STK33: variants seen among roughly 807,000 people sequenced by gnomAD.
The protein encoded by STK33 is serine/threonine kinase 33, also known as serine/threonine-protein kinase 33.
In STK33, 52 loss-of-function variants were observed where a neutral mutation model predicts 58.0. That is an observed-to-expected ratio of 0.90 (90% CI 0.72 to 1.13). The LOEUF (loss-of-function observed/expected upper bound fraction) is 1.13, where lower values mean the gene tolerates loss of function less well. Among genes scored for constraint, STK33 ranks in the 50% most tolerant of loss-of-function variants. The pLI, the probability that STK33 is intolerant of heterozygous loss-of-function variation, is 0.00. For missense variants in STK33, 630 were observed against 604.2 expected, an observed-to-expected ratio of 1.04 and a Z score of -0.45; for synonymous variants, 215 against 200.1, an observed-to-expected ratio of 1.07 and a Z score of -0.63.
chr11:8,355,030 G>C, the STK33 span, among the ~76,000 whole-genome samples: 1 of 152,276 alleles, frequency 6.6e-6, no homozygotes, highest in East Asian at 1.9e-4. Flanking sequence ...CTTCCGGGAG[G>C]AGGGGAACGA....
the STK33 span, among the ~76,000 whole-genome samples, chr11:8,386,775 G>T: frequency 6.6e-6 from 1 of 152,208 alleles, no homozygotes; most frequent in Non-Finnish European, 1.5e-5. Flanking sequence ...AATGCAGGAT[G>T]GGGAGGTGGA....
intron 1 of STK33, among the ~76,000 whole-genome samples, chr11:8,531,753 G>A (rs1053343771): frequency 6.6e-6 from 1 of 152,208 alleles, no homozygotes; most frequent in African/African-American, 2.4e-5. Flanking sequence ...TCCAGTGGTT[G>A]AAGCAGTCAT....
At chr11:8,452,206 A>T (rs1946368019) in intron 11 of STK33, among the ~76,000 whole-genome samples, 1 of 152,172 alleles carries the variant, frequency 6.6e-6, no homozygotes, top group Admixed American at 6.5e-5. Flanking sequence ...CCGTTTCGAA[A>T]AAAAAAGCAA....
intron 14 of STK33, among the ~76,000 whole-genome samples, chr11:8,430,659 A>G (rs974273233): frequency 6.6e-6 from 1 of 152,128 alleles, no homozygotes. Flanking sequence ...TTGTTGATCT[A>G]TCATTCTCTA....
At chr11:8,404,182 T>A (rs1043153866) in intron 15 of STK33, among the ~76,000 whole-genome samples, 3 of 152,186 alleles carry the variant, frequency 2.0e-5, no homozygotes, top group African/African-American at 7.2e-5. Context: ...TATATAGACT[T>A]CTAAGGTTAC....
At chr11:8,411,325 A>T (rs541461463) in intron 15 of STK33, among the ~76,000 whole-genome samples, 1 of 152,352 alleles carries the variant, frequency 6.6e-6, no homozygotes, top group Non-Finnish European at 1.5e-5. Context: ...ACAAATCTGA[A>T]ACAAGTGTGT....
At chr11:8,495,991 T>C (rs1219269973) in intron 1 of STK33, among the ~76,000 whole-genome samples, 2 of 152,022 alleles carry the variant, frequency 1.3e-5, no homozygotes, top group East Asian at 3.9e-4. Context: ...GAGAAATACC[T>C]AATGTAAATG....
At chr11:8,396,932 C>A (rs1849455626) in intron 15 of STK33, among the ~76,000 whole-genome samples, 1 of 152,232 alleles carries the variant, frequency 6.6e-6, no homozygotes, top group Non-Finnish European at 1.5e-5. Flanking sequence ...CCCGCCATTG[C>A]CGAGGCTTGA....
At chr11:8,565,253 T>C (rs1005472953) in intron 1 of STK33, among the ~76,000 whole-genome samples, 27 of 152,210 alleles carry the variant, frequency 1.8e-4, no homozygotes, top group Non-Finnish European at 7.3e-5. Flanking sequence ...CCATGATTTA[T>C]AGTCAAAGGT....
chr11:8,566,241 C>T (rs1199248688), intron 1 of STK33, among the ~76,000 whole-genome samples: 2 of 152,180 alleles, frequency 1.3e-5, no homozygotes, highest in African/African-American at 4.8e-5. Context: ...TAAATAGACC[C>T]TCAGTTTCTG....
Position 8,413,554 on chromosome 11 carries a change from G to C in STK33, c.1285C>G (p.Gln429Glu), listed in dbSNP as rs1221448970. ...PSTEEKLKSYQPWGNVPDANY... is the reference protein window; with the variant it reads ...PSTEEKLKSYEPWGNVPDANY... ...GCATCAGGGACATTTCCCCAGGGTT[G>C]GTAACTTTTCAACTTTTCTTCAGTG... is the stretch of plus-strand genomic sequence containing the variant. The change falls in exon 15 of 16, where the codon CAA becomes GAA. Residue 429 changes from glutamine to glutamate, a missense_variant. Physicochemically the swap from Gln to Glu is conservative, Grantham distance 29. Transcript: ENST00000687296. The C allele has an allele frequency of 1.2e-6, 2 of 1,613,832 alleles. No individual in the cohort carries two copies. The highest frequency in any genetic ancestry group is 1.7e-6 in the Non-Finnish European group (2 of 1,179,936).
chr11:8,483,389 G>T (rs2028881), intron 1 of STK33, among the ~76,000 whole-genome samples: 33,537 of 152,056 alleles, frequency 0.22, 3,932 homozygotes, highest in Middle Eastern at 0.31. Flanking sequence ...TTTCAGAAAA[G>T]ATTCGGGTTA....
chr11:8,489,713 C>T (rs1361612068), intron 1 of STK33, among the ~76,000 whole-genome samples: 1 of 152,126 alleles, frequency 6.6e-6, no homozygotes, highest in Non-Finnish European at 1.5e-5. Flanking sequence ...ATTAACTTTC[C>T]AGCACATAAA....
Position 8,584,701 on chromosome 11 carries a change from G to C in STK33, c.-466+9382C>G, listed in dbSNP as rs370404707. On this transcript the variant is annotated intron_variant, in intron 1 of 15. Transcript: ENST00000687296. Reference sequence around the variant, plus strand: ...CTACTAGGTCTCAGCCATCCAATAGGAAAGGTCTTTTCTGTTACCAAGTGC... The same window carrying C: ...CTACTAGGTCTCAGCCATCCAATAGCAAAGGTCTTTTCTGTTACCAAGTGC... Among the ~76,000 whole-genome samples the C allele has an allele frequency of 2.1e-3, 318 of 152,212 alleles. 2 individuals carry two copies. The highest frequency in any genetic ancestry group is 7.3e-3 in the African/African-American group (303 of 41,524).
chr11:8,433,144 T>C (rs1943611615), intron 14 of STK33, among the ~76,000 whole-genome samples: 1 of 152,208 alleles, frequency 6.6e-6, no homozygotes, highest in Non-Finnish European at 1.5e-5. Flanking sequence ...TTTGCACAAT[T>C]ACTTTAGGCC....
chr11:8,413,875 CATCCCTTGCATG>C (rs1273077891), intron 14 of STK33, among the ~76,000 whole-genome samples, 183 bp from the exon 15 acceptor site: 1 of 152,182 alleles, frequency 6.6e-6, no homozygotes, highest in East Asian at 1.9e-4. Context: ...ACATGGCTCA[CATCCCTTGCATG>C]ATATCACGTG....
chr11:8,415,031 A>T (rs1431143488), intron 14 of STK33, among the ~76,000 whole-genome samples: 1 of 152,052 alleles, frequency 6.6e-6, no homozygotes, highest in East Asian at 1.9e-4. Flanking sequence ...CACTCATCTG[A>T]ACGGGTTCTG....
chr11:8,419,584 T>C (rs1041193306), intron 14 of STK33, among the ~76,000 whole-genome samples: 3 of 152,230 alleles, frequency 2.0e-5, no homozygotes, highest in African/African-American at 4.8e-5. Flanking sequence ...TGGTTCCATA[T>C]GAATTTTAAA....
chr11:8,356,669 T>C, the STK33 span, among the ~76,000 whole-genome samples: 1 of 152,116 alleles, frequency 6.6e-6, no homozygotes, highest in Admixed American at 6.5e-5. Flanking sequence ...GCCTGTAAAC[T>C]TTCCCTCTGT....
Sources: allele counts gnomAD v4.1 joint callset (sites outside exome capture counted in the v4.1 genomes callset), GRCh38; gene constraint gnomAD v4.1.1; transcripts MANE v1.5; gene names NCBI Gene and HGNC (gene_info 2026-07-23, HGNC 2026-07-21).